The following BCR variants were observed in gnomAD, a reference collection of about 807,000 sequenced individuals.
The protein encoded by BCR is breakpoint cluster region protein.
BCR carries 58 observed loss-of-function variants against 138.6 expected under a neutral mutation model. The ratio of observed to expected loss-of-function variants is 0.42; its 90% CI spans 0.34 to 0.52. BCR has a LOEUF of 0.52. Ranked by LOEUF, BCR falls within the 20% of genes least tolerant of loss-of-function variation. The probability of loss-of-function intolerance (pLI) is 0.06; values close to 1 mark genes in which losing one functional copy is unlikely to be tolerated. For synonymous variants in BCR, 786 were observed against 730.1 expected (o/e 1.08, Z -1.23); for missense variants, 1,599 against 1,727.2 (o/e 0.93, Z 1.32).
chr22:23,303,728 C>T (rs1263099627), intron 16 of BCR, among the ~76,000 whole-genome samples: 1 of 152,216 alleles, frequency 6.6e-6, no homozygotes, highest in Admixed American at 6.5e-5. Flanking sequence ...CTTCTTGAAG[C>T]ACACCGCCAT....
rs1472197866 is a variant in BCR at position 23,268,611 on chromosome 22, G to A, written c.1860+96G>A. 39 of 1,058,658 alleles carry A rather than the reference G, an allele frequency of 3.7e-5. No individual in the cohort carries two copies. The South Asian group carries it at 5.4e-4, about 15-fold the overall frequency. 65.6% of individuals were successfully genotyped at this position (1,058,658 alleles called of 1,614,324 possible). ...ACAGAGTGCACCAGATCAAGATCTGGTCGTGAACCCCAGCTGTTTCCAGAT... is the reference window on the plus strand; with the variant it reads ...ACAGAGTGCACCAGATCAAGATCTGATCGTGAACCCCAGCTGTTTCCAGAT... On this transcript the variant is annotated intron_variant, in intron 5 of 22. Transcript: ENST00000305877.
chr22:23,247,648 G>A (rs749273133), intron 1 of BCR, among the ~76,000 whole-genome samples: 1 of 152,162 alleles, frequency 6.6e-6, no homozygotes, highest in Non-Finnish European at 1.5e-5. Context: ...GGTCTCTCTA[G>A]GCATATCTGG....
intron 1 of BCR, among the ~76,000 whole-genome samples, chr22:23,227,914 A>G (rs898476575): frequency 2.0e-5 from 3 of 152,162 alleles, no homozygotes; most frequent in African/African-American, 7.2e-5. Flanking sequence ...AGTTAGCACC[A>G]TGAATGGTTA....
chr22:23,218,242 C>T (rs932097696), intron 1 of BCR, among the ~76,000 whole-genome samples: 10 of 152,166 alleles, frequency 6.6e-5, no homozygotes, highest in Admixed American at 5.2e-4. Context: ...TCTGAGCCCC[C>T]GGAGCTGGGT....
chr22:23,290,658 C>T (rs2073775598), intron 14 of BCR: 3 of 518,120 alleles, frequency 5.8e-6, no homozygotes, highest in Non-Finnish European at 7.1e-6. Context: ...GTGAGCTGCC[C>T]CCTGCAGGTG....
chr22:23,223,604 G>C (rs765675349), intron 1 of BCR, among the ~76,000 whole-genome samples: 4 of 152,130 alleles, frequency 2.6e-5, no homozygotes, highest in African/African-American at 4.8e-5. Context: ...GCCGGTGCAG[G>C]GGGTACTCAG....
intron 2 of BCR, among the ~76,000 whole-genome samples, chr22:23,257,888 A>G (rs962209211): frequency 2.6e-5 from 4 of 152,230 alleles, no homozygotes; most frequent in Non-Finnish European, 4.4e-5. Flanking sequence ...CAACACTAGG[A>G]TACAACCAGG....
intron 1 of BCR, among the ~76,000 whole-genome samples, chr22:23,231,813 G>A (rs1602042674): frequency 1.3e-5 from 2 of 152,216 alleles, no homozygotes; most frequent in Admixed American, 6.5e-5. Context: ...TTTATGCCCC[G>A]TTTTTAGTGG....
chr22:23,266,787 G>A (rs1193918062), intron 4 of BCR, among the ~76,000 whole-genome samples: 1 of 152,246 alleles, frequency 6.6e-6, no homozygotes, highest in Non-Finnish European at 1.5e-5. Flanking sequence ...GAGGCTGTGT[G>A]CTTCTCAGTG....
intron 4 of BCR, among the ~76,000 whole-genome samples, chr22:23,266,548 C>T (rs2073443522): frequency 6.6e-6 from 1 of 151,916 alleles, no homozygotes; most frequent in Admixed American, 6.6e-5. Context: ...CGCCGTCACG[C>T]CCGTCTAATT....
chr22:23,248,348 C>CAA (rs55944854), intron 1 of BCR, among the ~76,000 whole-genome samples: 2 of 113,882 alleles, frequency 1.8e-5, no homozygotes, highest in African/African-American at 3.2e-5. Flanking sequence ...GACTCCATCT[C>CAA]AAAAAAAAAA....
intron 4 of BCR, chr22:23,262,897 C>T (rs911713104): frequency 1.5e-5 from 16 of 1,075,882 alleles, no homozygotes; most frequent in Admixed American, 5.1e-5. Context: ...GGGGCTGAGG[C>T]GGGAGCGAGG....
At chr22:23,281,265 G>T (rs1161014454) in intron 8 of BCR, among the ~76,000 whole-genome samples, 2 of 152,270 alleles carry the variant, frequency 1.3e-5, no homozygotes, top group Non-Finnish European at 2.9e-5. Flanking sequence ...CTCCAGCTGG[G>T]ACTGTTTGCC....
At position 23,285,204 on chromosome 22, in the gene BCR, G is replaced by A; in HGVS notation, c.2406+3G>A. The A allele has an allele frequency of 1.2e-6, 2 of 1,610,394 alleles. No individual in the cohort carries two copies. Among genetic ancestry groups the A allele is most frequent in the Non-Finnish European group, 1.7e-6 (2 of 1,178,538 alleles). On this transcript the variant is annotated splice_donor_region_variant and intron_variant, in intron 10 of 22. Coordinates refer to ENST00000305877, the MANE Select transcript of BCR (RefSeq NM_004327.4). Reference sequence around the variant, plus strand: ...AGAATGACATCCAGAGAGAGAAGGTGCACACCAGGGGAGCAAGGGCCGGGT... The same window carrying A: ...AGAATGACATCCAGAGAGAGAAGGTACACACCAGGGGAGCAAGGGCCGGGT...
intron 1 of BCR, among the ~76,000 whole-genome samples, chr22:23,229,702 A>C (rs2072932333): frequency 6.6e-6 from 1 of 152,212 alleles, no homozygotes; most frequent in South Asian, 2.1e-4. Context: ...GAAGATTTAA[A>C]GGATCCCTTC....
chr22:23,208,127 C>T (rs1021905219), intron 1 of BCR, among the ~76,000 whole-genome samples: 1 of 152,236 alleles, frequency 6.6e-6, no homozygotes, highest in Non-Finnish European at 1.5e-5. Flanking sequence ...GTTTGCAGAG[C>T]TTCATGCTTC....
chr22:23,259,094 G>T (rs2073328600), intron 2 of BCR, among the ~76,000 whole-genome samples: 1 of 152,288 alleles, frequency 6.6e-6, no homozygotes, highest in African/African-American at 2.4e-5. Flanking sequence ...GGAGTAGGCG[G>T]GAGTGGCCAG....
chr22:23,240,341 G>GTGTGTGTGTC (rs1555878021), intron 1 of BCR, among the ~76,000 whole-genome samples: 8 of 145,894 alleles, frequency 5.5e-5, no homozygotes, highest in African/African-American at 2.1e-4. Context: ...GTGTGTGTGT[G>GTGTGTGTGTC]TGTCTGTCTA....
chr22:23,299,154 A>C (rs891149027), intron 16 of BCR, among the ~76,000 whole-genome samples: 3 of 151,196 alleles, frequency 2.0e-5, no homozygotes, highest in African/African-American at 7.3e-5. Flanking sequence ...CCGCCACCAC[A>C]CCCAGCTAAT....
Sources: gnomAD v4.1 joint callset for allele counts (sites outside exome capture counted in the v4.1 genomes callset) on GRCh38, gnomAD v4.1.1 for gene constraint, MANE v1.5 for transcripts, NCBI Gene and HGNC (gene_info 2026-07-23, HGNC 2026-07-21) for gene names.